Variants in ECHDC3 observed in about 807,000 individuals in gnomAD.
The protein encoded by ECHDC3 is enoyl-CoA hydratase domain-containing protein 3, mitochondrial.
A neutral mutation model predicts 17.9 loss-of-function variants in ECHDC3; 20 were observed. The ratio of observed to expected loss-of-function variants is 1.12; its 90% CI spans 0.79 to 1.63. The LOEUF is 1.63. Among genes scored for constraint, ECHDC3 ranks in the 40% most tolerant of loss-of-function variants. ECHDC3 has a pLI of 0.00. For synonymous variants in ECHDC3, 177 were observed against 149.7 expected, an observed-to-expected ratio of 1.18 and a Z score of -1.33; for missense variants, 407 against 357.7, an observed-to-expected ratio of 1.14 and a Z score of -1.11.
At chr10:11,747,622 G>T in intron 2 of ECHDC3, 152 bp downstream of exon 2, 1 of 942,212 alleles carries the variant, frequency 1.1e-6, no homozygotes, top group Non-Finnish European at 1.6e-6. Flanking sequence ...TGTGTAGTTG[G>T]TGGTTTGGTC....
At chr10:11,751,618 G>T (rs181601207) in intron 3 of ECHDC3, among the ~76,000 whole-genome samples, 1 of 152,258 alleles carries the variant, frequency 6.6e-6, no homozygotes, top group East Asian at 1.9e-4. Context: ...TATACCAATT[G>T]GTTACAGATG....
At chr10:11,746,282 C>G (rs1832758100) in intron 1 of ECHDC3, among the ~76,000 whole-genome samples, 1 of 140,724 alleles carries the variant, frequency 7.1e-6, no homozygotes. Flanking sequence ...GAGCTGAGAT[C>G]ATGCCAATGC....
At position 11,747,374 on chromosome 10, in the gene ECHDC3, A is replaced by C; in HGVS notation, c.196A>C (p.Lys66Gln). 6.2e-7 allele frequency: 1 copy of C among 1,614,018 alleles called. No individual in the cohort carries two copies. Among genetic ancestry groups the C allele is most frequent in the Admixed American group, 1.7e-5 (1 of 60,018 alleles). The change falls in exon 2 of 5, where the codon AAG becomes CAG. Residue 66 changes from lysine (K) to glutamine (Q), a missense_variant. Coordinates refer to ENST00000379215, the MANE Select transcript of ECHDC3 (RefSeq NM_024693.5). Reference sequence around the variant, plus strand: ...GAACATCGTCTTGAGCAATCCCAAGAAGAGGAACGCGTTGTCACTTGCAAT... The same window carrying C: ...GAACATCGTCTTGAGCAATCCCAAGCAGAGGAACGCGTTGTCACTTGCAAT... ...IRNIVLSNPKKRNALSLAMLK... is the reference protein window; with the variant it reads ...IRNIVLSNPKQRNALSLAMLK...
rs751810128 is a variant in ECHDC3 at position 11,755,524 on chromosome 10, G to A, written c.507G>A (p.Lys169=). 3.1e-6 allele frequency: 5 copies of A among 1,614,110 alleles called. No individual in the cohort carries two copies. The highest frequency in any genetic ancestry group is 4.2e-6 in the Non-Finnish European group (5 of 1,180,018). Residue 169 remains lysine, a synonymous_variant, in exon 4 of 5, where the codon AAG becomes AAA. Coordinates refer to ENST00000379215, the MANE Select transcript of ECHDC3 (RefSeq NM_024693.5). The part of the protein sequence containing the change: ...ASCDIAVASD[K]SSFATPGVNV... ...GCGACATTGCCGTGGCGAGCGACAA[G>A]TCCTCTTTTGCCACTCCTGGGGTGA...
At chr10:11,751,006 G>A (rs192239399) in intron 3 of ECHDC3, among the ~76,000 whole-genome samples, 250 of 152,292 alleles carry the variant, frequency 1.6e-3, no homozygotes, top group African/African-American at 5.8e-3. Flanking sequence ...TGGGGAAGTG[G>A]GAGCAAGTTA....
chr10:11,762,202 G>T (rs879918842), intron 4 of ECHDC3, among the ~76,000 whole-genome samples: 5 of 152,162 alleles, frequency 3.3e-5, no homozygotes, highest in Non-Finnish European at 7.3e-5. Flanking sequence ...GACGGGAGTC[G>T]CATCAGGGTT....
rs1016744910 is a variant in ECHDC3, at chr10:11,764,001, T to C, written c.*457T>C. On this transcript the variant is annotated 3_prime_UTR_variant, in exon 5 of 5. Coordinates refer to ENST00000379215, the MANE Select transcript of ECHDC3 (RefSeq NM_024693.5). ...CACACAGAAAATCTTCTTGATTCTA[T>C]AGAGACTTAATCATGCCTATGGCTT... is the stretch of plus-strand genomic sequence containing the variant. The C allele has an allele frequency of 1.0e-6, 1 of 964,932 alleles. No individual in the cohort carries two copies. The highest frequency in any genetic ancestry group is 1.8e-5 in the African/African-American group (1 of 56,958). The allele number at this position is 964,932 out of a possible 1,614,324, so 59.8% of individuals were successfully genotyped here. A position where few individuals can be genotyped will look rare whatever the true frequency, so the allele number is the denominator to read the frequency against.
At chr10:11,743,512 T>C (rs746414542) in intron 1 of ECHDC3, among the ~76,000 whole-genome samples, 2 of 152,334 alleles carry the variant, frequency 1.3e-5, no homozygotes, top group South Asian at 4.1e-4. Context: ...TCTCATCCTT[T>C]CCTACCTTTG....
intron 4 of ECHDC3, among the ~76,000 whole-genome samples, chr10:11,761,307 A>T (rs1832948286): frequency 6.6e-6 from 1 of 152,180 alleles, no homozygotes; most frequent in African/African-American, 2.4e-5. Flanking sequence ...ACTACTGATA[A>T]CTAGAGAGTG....
chr10:11,748,310 C>T (rs776110967), intron 2 of ECHDC3, among the ~76,000 whole-genome samples: 3 of 152,022 alleles, frequency 2.0e-5, no homozygotes, highest in Non-Finnish European at 2.9e-5. Flanking sequence ...TCATTGCAGC[C>T]TCAAACTTCT....
At chr10:11,754,227 TA>T (rs891105698) in intron 3 of ECHDC3, among the ~76,000 whole-genome samples, 1 of 152,244 alleles carries the variant, frequency 6.6e-6, no homozygotes, top group African/African-American at 2.4e-5. Flanking sequence ...TTTATGGATA[TA>T]AAAGATAAGC....
chr10:11,748,387 C>T (rs1832785394), intron 2 of ECHDC3, among the ~76,000 whole-genome samples: 2 of 152,090 alleles, frequency 1.3e-5, no homozygotes, highest in Admixed American at 1.3e-4. Flanking sequence ...CCACTACACT[C>T]AGCTAATTTT....
intron 4 of ECHDC3, among the ~76,000 whole-genome samples, chr10:11,756,932 A>G (rs1272681735): frequency 6.6e-6 from 1 of 152,038 alleles, no homozygotes; most frequent in Admixed American, 6.6e-5. Context: ...ATGGGGTTTC[A>G]CCCTGTTGGC....
intron 4 of ECHDC3, among the ~76,000 whole-genome samples, chr10:11,757,611 G>T (rs1832898206): frequency 6.6e-6 from 1 of 152,040 alleles, no homozygotes; most frequent in South Asian, 2.1e-4. Flanking sequence ...AGACTCGCCA[G>T]TTTTTTCTAA....
In ECHDC3 at chr10:11,755,575, T is replaced by A. The variant is rs1240444040; in HGVS notation, c.558T>A (p.Pro186=). ...ACGTCGGGCTCTTCTGTTCTACCCC[T>A]GGGGTTGCCTTGGCAAGAGCAGTGC... The part of the protein sequence containing the change: ...GVNVGLFCST[P]GVALARAVPR... Residue 186 remains proline (P), a synonymous_variant, in exon 4 of 5, where the codon CCT becomes CCA. Transcript: ENST00000379215. The A allele has an allele frequency of 6.2e-7, 1 of 1,613,876 alleles. No homozygotes were observed. The highest frequency in any genetic ancestry group is 2.2e-5 in the East Asian group (1 of 44,888).
chr10:11,757,416 G>A (rs998196608), intron 4 of ECHDC3, among the ~76,000 whole-genome samples: 3 of 152,154 alleles, frequency 2.0e-5, no homozygotes, highest in Admixed American at 6.5e-5. Context: ...TAAGTTCCAA[G>A]GAAGCCCAGT....
chr10:11,759,663 G>A (rs973512815), intron 4 of ECHDC3, among the ~76,000 whole-genome samples: 3 of 152,156 alleles, frequency 2.0e-5, no homozygotes, highest in Non-Finnish European at 2.9e-5. Flanking sequence ...TGTAGCACAC[G>A]GTTCTTGCCA....
chr10:11,753,955 T>C (rs1371407728), intron 3 of ECHDC3, among the ~76,000 whole-genome samples: 1 of 152,056 alleles, frequency 6.6e-6, no homozygotes, highest in Non-Finnish European at 1.5e-5. Context: ...TTTGTACTTT[T>C]TTTTTAGTAG....
chr10:11,748,294 T>C (rs550704320), intron 2 of ECHDC3, among the ~76,000 whole-genome samples: 4 of 152,116 alleles, frequency 2.6e-5, no homozygotes, highest in Non-Finnish European at 4.4e-5. Flanking sequence ...GTGGCATGAT[T>C]ATAGCTCATT....
Sources: allele counts gnomAD v4.1 joint callset (sites outside exome capture counted in the v4.1 genomes callset), GRCh38; gene constraint gnomAD v4.1.1; transcripts MANE v1.5; gene names NCBI Gene and HGNC (gene_info 2026-07-23, HGNC 2026-07-21).